The following CDKN3 variants were observed in gnomAD, a reference collection of about 807,000 sequenced individuals.
The protein encoded by CDKN3 is cyclin dependent kinase inhibitor 3, also known as cyclin-dependent kinase inhibitor 3.
CDKN3 carries 19 observed loss-of-function variants against 36.1 expected under a neutral mutation model. That is an observed-to-expected ratio of 0.53 (90% CI 0.37 to 0.77). The LOEUF (loss-of-function observed/expected upper bound fraction) is 0.77, where lower values mean the gene tolerates loss of function less well. Among genes scored for constraint, CDKN3 ranks in the 30% least tolerant of loss-of-function variants. The probability of loss-of-function intolerance (pLI) is 0.00; values close to 1 mark genes in which losing one functional copy is unlikely to be tolerated. For synonymous variants in CDKN3, 71 were observed against 85.3 expected (o/e 0.83, Z 0.92); for missense variants, 188 against 248.6 (o/e 0.76, Z 1.64).
chr14:54,400,017 A>G lies in CDKN3; in HGVS notation c.92+41A>G, dbSNP rs2139965232. On this transcript the variant is annotated intron_variant, in intron 2 of 7. Transcript: ENST00000335183. ...TGATCAATGATGAGCTAAAATCACA[A>G]TCTACATCATAAATGTAAATTTAGT... The G allele has an allele frequency of 6.7e-6, 6 of 894,412 alleles. No homozygotes were observed. The East Asian group carries it at 1.4e-4, about 22-fold the overall frequency. The allele number at this position is 894,412 out of a possible 1,614,324, so 55.4% of individuals were successfully genotyped here.
chr14:54,397,199 G>T, intron 1 of CDKN3, 122 bp downstream of exon 1: 2 of 1,151,640 alleles, frequency 1.7e-6, no homozygotes, highest in Non-Finnish European at 2.3e-6. Flanking sequence ...CGCCGTAACC[G>T]TTCTGCGGGT....
intron 3 of CDKN3, among the ~76,000 whole-genome samples, chr14:54,408,287 G>C (rs917167627): frequency 1.3e-5 from 2 of 152,150 alleles, no homozygotes; most frequent in Non-Finnish European, 2.9e-5. Flanking sequence ...TTTAGAACAA[G>C]TATTTGGTCA....
At chr14:54,415,236 G>A (rs2030498122) in intron 5 of CDKN3, among the ~76,000 whole-genome samples, 1 of 152,188 alleles carries the variant, frequency 6.6e-6, no homozygotes. Context: ...AGCAGCTAAT[G>A]TTCATTTACT....
chr14:54,400,145 A>G (rs528043607), intron 2 of CDKN3, among the ~76,000 whole-genome samples, 169 bp downstream of exon 2: 2 of 151,104 alleles, frequency 1.3e-5, no homozygotes, highest in Non-Finnish European at 2.9e-5. Flanking sequence ...TTCTAACTCC[A>G]TGATTCATTT....
intron 1 of CDKN3, among the ~76,000 whole-genome samples, chr14:54,397,483 C>T (rs529527137): frequency 6.6e-6 from 1 of 152,382 alleles, no homozygotes; most frequent in South Asian, 2.1e-4. Flanking sequence ...CCCACAGGGC[C>T]TGGGGAAACC....
chr14:54,404,670 G>T (rs1372395772), intron 3 of CDKN3, among the ~76,000 whole-genome samples: 1 of 152,026 alleles, frequency 6.6e-6, no homozygotes, highest in African/African-American at 2.4e-5. Context: ...TGCCTCCCGG[G>T]TTCATGCCAT....
intron 5 of CDKN3, among the ~76,000 whole-genome samples, chr14:54,415,662 G>C (rs2030512275): frequency 6.6e-6 from 1 of 152,162 alleles, no homozygotes; most frequent in Admixed American, 6.5e-5. Context: ...AACCTAAAGA[G>C]GTCAATAAGA....
At chr14:54,414,633 A>G (rs758807104) in intron 5 of CDKN3, among the ~76,000 whole-genome samples, 1 of 151,090 alleles carries the variant, frequency 6.6e-6, no homozygotes, top group Non-Finnish European at 1.5e-5. Flanking sequence ...GTAGCCTTGA[A>G]CTGCCGGGCT....
intron 3 of CDKN3, 30 bp from the exon 4 acceptor site, chr14:54,408,715 C>CT: frequency 6.4e-7 from 1 of 1,559,678 alleles, no homozygotes; most frequent in Non-Finnish European, 8.6e-7. Context: ...GAAAAACTGA[C>CT]TTTTTTACTT....
chr14:54,411,888 G>A, intron 5 of CDKN3, 182 bp downstream of exon 5: 1 of 638,102 alleles, frequency 1.6e-6, no homozygotes, highest in South Asian at 1.8e-5. Flanking sequence ...AATACGTGCT[G>A]TTATTACTTT....
At chr14:54,399,144 C>G (rs1019132599) in intron 1 of CDKN3, among the ~76,000 whole-genome samples, 1 of 151,956 alleles carries the variant, frequency 6.6e-6, no homozygotes, top group Non-Finnish European at 1.5e-5. Flanking sequence ...TGCCACCATG[C>G]CTGGTTAATT....
At position 54,411,643 on chromosome 14, in the gene CDKN3, G is replaced by A; in HGVS notation, c.353G>A (p.Ser118Asn). ...IADGGTPDIA[S>N]CCEIMEELTT... Reference sequence around the variant, plus strand: ...GATGGAGGGACTCCTGACATAGCCAGCTGCTGTGAAATAATGGAAGAGCTT... The same window carrying A: ...GATGGAGGGACTCCTGACATAGCCAACTGCTGTGAAATAATGGAAGAGCTT... The change falls in exon 5 of 8, where the codon AGC (serine) becomes AAC (asparagine). Residue 118 changes from serine to asparagine, a missense_variant. By Grantham distance (46) the Ser-to-Asn change is conservative. Coordinates refer to ENST00000335183, the MANE Select transcript of CDKN3 (RefSeq NM_005192.4). 1 of 1,614,040 alleles carries A rather than the reference G, an allele frequency of 6.2e-7. No homozygotes were observed. Among genetic ancestry groups the A allele is most frequent in the Non-Finnish European group, 8.5e-7 (1 of 1,179,930 alleles).
intron 3 of CDKN3, among the ~76,000 whole-genome samples, chr14:54,404,387 A>G (rs541575287): frequency 2.3e-4 from 35 of 152,134 alleles, no homozygotes; most frequent in Admixed American, 1.7e-3. Flanking sequence ...CTGTGGGATC[A>G]GTGGTGATAT....
chr14:54,419,360 T>C (rs901236608), intron 7 of CDKN3, among the ~76,000 whole-genome samples: 1 of 152,216 alleles, frequency 6.6e-6, no homozygotes, highest in South Asian at 2.1e-4. Flanking sequence ...TTGCTGGTGT[T>C]AGCAATGCAG....
At position 54,408,263 on chromosome 14, in the gene CDKN3, G is replaced by A. The variant is rs4251622; in HGVS notation, c.149-482G>A. 3.4e-3 allele frequency among the ~76,000 whole-genome samples: 517 copies of A among 152,220 alleles called. 8 individuals carry two copies. The highest frequency in any genetic ancestry group is 0.027 in the Admixed American group (415 of 15,284). Reference sequence around the variant, plus strand: ...AAAGTGTTCCCTTTTCACCACATCCGTGCCAACAATATATTTAGAACAAGT... The same window carrying A: ...AAAGTGTTCCCTTTTCACCACATCCATGCCAACAATATATTTAGAACAAGT... On this transcript the variant is annotated intron_variant, in intron 3 of 7. Transcript: ENST00000335183.
At chr14:54,408,669 C>T in intron 3 of CDKN3, 76 bp from the exon 4 acceptor site, 2 of 1,413,022 alleles carry the variant, frequency 1.4e-6, no homozygotes, top group South Asian at 1.4e-5. Flanking sequence ...TATAAAGTAG[C>T]TATATAAGTG....
At chr14:54,409,827 G>C (rs901739957) in intron 4 of CDKN3, among the ~76,000 whole-genome samples, 5 of 150,880 alleles carry the variant, frequency 3.3e-5, no homozygotes, top group African/African-American at 1.2e-4. Context: ...ATCCAGGCTG[G>C]AGTGCAATGA....
At chr14:54,401,433 T>A in intron 2 of CDKN3, 91 bp from the exon 3 acceptor site, 2 of 753,128 alleles carry the variant, frequency 2.7e-6, no homozygotes, top group Non-Finnish European at 2.3e-6. Context: ...CAACTTTATT[T>A]GGTGGCAAGC....
intron 3 of CDKN3, among the ~76,000 whole-genome samples, chr14:54,401,888 C>T (rs1272128926): frequency 6.6e-6 from 1 of 152,046 alleles, no homozygotes; most frequent in Admixed American, 6.6e-5. Context: ...GTTTGGTTTT[C>T]CATTCCTGAG....
Sources: allele counts gnomAD v4.1 joint callset (sites outside exome capture counted in the v4.1 genomes callset), GRCh38; gene constraint gnomAD v4.1.1; transcripts MANE v1.5; gene names NCBI Gene and HGNC (gene_info 2026-07-23, HGNC 2026-07-21).